The following PCDHA8 variants were observed in gnomAD, a reference collection of about 807,000 sequenced individuals.
PCDHA8 encodes the protein protocadherin alpha-8.
A neutral mutation model predicts 61.8 loss-of-function variants in PCDHA8; 53 were observed. The observed-to-expected ratio is 0.86, with a 90% CI of 0.69 to 1.08. PCDHA8 has a LOEUF of 1.08. PCDHA8 is among the 50% of genes least tolerant of loss of function. The pLI is 0.00. For synonymous variants in PCDHA8, 618 were observed against 556.6 expected (o/e 1.11, Z -1.55); for missense variants, 1,293 against 1,245.0 (o/e 1.04, Z -0.58).
chr5:140,877,764 G>A, intron 1 of PCDHA8: 2 of 1,614,160 alleles, frequency 1.2e-6, no homozygotes, highest in Non-Finnish European at 1.7e-6. Context: ...CAGAGAGCCC[G>A]CCCAAGACGG....
At chr5:140,884,049 T>C (rs1268930422) in intron 1 of PCDHA8, 2 of 1,613,296 alleles carry the variant, frequency 1.2e-6, no homozygotes, top group African/African-American at 1.3e-5. Flanking sequence ...GTGGCGAAGG[T>C]GCGCGCGGTG....
chr5:140,996,130 G>A (rs1185857732), intron 3 of PCDHA8, among the ~76,000 whole-genome samples: 2 of 152,162 alleles, frequency 1.3e-5, no homozygotes, highest in African/African-American at 4.8e-5. Flanking sequence ...GGTGTAGAGG[G>A]TTCTCCCATT....
chr5:140,913,981 G>A (rs1222294742), intron 1 of PCDHA8, among the ~76,000 whole-genome samples: 1 of 152,090 alleles, frequency 6.6e-6, no homozygotes, highest in Non-Finnish European at 1.5e-5. Flanking sequence ...TTTAGGACTT[G>A]TATTGTGACT....
chr5:140,988,204 AG>A (rs2097287084), intron 3 of PCDHA8, among the ~76,000 whole-genome samples: 1 of 152,100 alleles, frequency 6.6e-6, no homozygotes, highest in South Asian at 2.1e-4. Context: ...TATCCTTATT[AG>A]GAAAAAAAAA....
chr5:140,857,551 C>G (rs781926711), intron 1 of PCDHA8: 5 of 1,596,944 alleles, frequency 3.1e-6, no homozygotes. Flanking sequence ...TGGGCGAGCG[C>G]TCGCTGTCGA....
rs782055761 is a variant in PCDHA8 at position 140,842,470 on chromosome 5, G to A, written c.1149G>A (p.Gly383=). ...SVNDLDSGAN[G]QVTCSLMPHV... ...ACGACCTCGATTCAGGTGCCAACGG[G>A]CAGGTGACCTGCTCCCTGATGCCCC... Residue 383 remains glycine, a synonymous_variant, in exon 1 of 4, where the codon GGG becomes GGA. Transcript: ENST00000531613. 1.2e-6 allele frequency: 2 copies of A among 1,613,802 alleles called. No homozygotes were observed. The highest frequency in any genetic ancestry group is 1.1e-5 in the South Asian group (1 of 91,082).
In PCDHA8 at chr5:140,843,377, G is replaced by A. The variant is rs2150358675; in HGVS notation, c.2056G>A (p.Val686Ile). Reference sequence around the variant, plus strand: ...AGCGTCATCGAGGCAGTCGGCTGGCGTTTTGGGTCCGGAAGCGGCGCTGGT... The same window carrying A: ...AGCGTCATCGAGGCAGTCGGCTGGCATTTTGGGTCCGGAAGCGGCGCTGGT... ...PKASSRQSAG[V>I]LGPEAALVDV... Residue 686 changes from valine to isoleucine, a missense_variant, in exon 1 of 4, where the codon GTT becomes ATT. By Grantham distance (29) the Val-to-Ile change is conservative. Transcript: ENST00000531613. 17 of 1,596,146 alleles carry A rather than the reference G, an allele frequency of 1.1e-5. No individual in the cohort carries two copies. Among genetic ancestry groups the A allele is most frequent in the Middle Eastern group, 1.7e-4 (1 of 5,992 alleles).
In PCDHA8 at chr5:140,843,424, C is replaced by A. The variant is rs1266105482; in HGVS notation, c.2103C>A (p.Ile701=). 2 of 1,596,008 alleles carry A rather than the reference C, an allele frequency of 1.3e-6. No individual in the cohort carries two copies. The highest frequency in any genetic ancestry group is 1.7e-6 in the Non-Finnish European group (2 of 1,165,624). The part of the protein sequence containing the change: ...AALVDVNVYL[I]IAICAVSSLL... ...TGGTGGATGTCAACGTGTACCTGATCATCGCCATCTGCGCGGTATCCAGCC... is the reference window on the plus strand; with the variant it reads ...TGGTGGATGTCAACGTGTACCTGATAATCGCCATCTGCGCGGTATCCAGCC... The change falls in exon 1 of 4, where the codon ATC becomes ATA. Residue 701 remains isoleucine (I), a synonymous_variant. Coordinates refer to ENST00000531613, the MANE Select transcript of PCDHA8 (RefSeq NM_018911.3).
chr5:140,876,743 T>G, intron 1 of PCDHA8: 5 of 1,614,200 alleles, frequency 3.1e-6, no homozygotes, highest in Non-Finnish European at 4.2e-6. Flanking sequence ...TATGAGCTGG[T>G]GGTGACTGCG....
chr5:140,854,184 T>C, intron 1 of PCDHA8: 1 of 612,228 alleles, frequency 1.6e-6, no homozygotes, highest in Non-Finnish European at 2.0e-6. Context: ...AAAGAGTAGT[T>C]TAACTACTCC....
intron 3 of PCDHA8, among the ~76,000 whole-genome samples, chr5:141,005,485 T>C (rs57509018): frequency 5.3e-5 from 8 of 151,370 alleles, no homozygotes; most frequent in Non-Finnish European, 1.0e-4. Context: ...GGGCGGATCA[T>C]GAGGTCAGGA....
At chr5:140,998,696 C>G (rs1587806526) in intron 3 of PCDHA8, among the ~76,000 whole-genome samples, 1 of 152,182 alleles carries the variant, frequency 6.6e-6, no homozygotes, top group East Asian at 1.9e-4. Flanking sequence ...TCCCAAGTAG[C>G]TGGGATTACA....
chr5:140,967,736 G>A (rs1554229871), intron 1 of PCDHA8: 4 of 1,614,162 alleles, frequency 2.5e-6, no homozygotes, highest in Non-Finnish European at 3.4e-6. Context: ...TGGGGGGCTG[G>A]ATTATGAGGA....
At chr5:140,909,598 T>A (rs934160611) in intron 1 of PCDHA8, among the ~76,000 whole-genome samples, 1 of 152,198 alleles carries the variant, frequency 6.6e-6, no homozygotes, top group Non-Finnish European at 1.5e-5. Flanking sequence ...ATTTACTATT[T>A]TTCTAGGTAG....
At chr5:140,925,690 G>A (rs1029124411) in intron 1 of PCDHA8, among the ~76,000 whole-genome samples, 6 of 149,642 alleles carry the variant, frequency 4.0e-5, no homozygotes, top group African/African-American at 7.4e-5. Context: ...GCGAGGGTGG[G>A]TATCTAGCCT....
intron 3 of PCDHA8, among the ~76,000 whole-genome samples, chr5:141,002,289 G>A (rs1468757497): frequency 1.3e-5 from 2 of 152,204 alleles, no homozygotes; most frequent in East Asian, 3.8e-4. Flanking sequence ...GGATGAATGG[G>A]GAGCAAAGGG....
intron 1 of PCDHA8, chr5:140,859,934 A>G (rs2046100230): frequency 1.3e-5 from 2 of 152,070 alleles, no homozygotes; most frequent in Non-Finnish European, 2.9e-5. Flanking sequence ...TAAAAAACTT[A>G]GTAAAAACTC....
chr5:140,875,402 C>T, intron 1 of PCDHA8: 1 of 1,488,874 alleles, frequency 6.7e-7, no homozygotes, highest in Non-Finnish European at 8.9e-7. Flanking sequence ...AGGGTGACTG[C>T]TCATAAAATA....
At chr5:140,926,204 G>C (rs888951769) in intron 1 of PCDHA8, among the ~76,000 whole-genome samples, 1 of 151,802 alleles carries the variant, frequency 6.6e-6, no homozygotes, top group South Asian at 2.2e-4. Context: ...CTTTCGGGGG[G>C]CTCCTGTTTC....
Sources: gnomAD v4.1 joint callset for allele counts (sites outside exome capture counted in the v4.1 genomes callset) on GRCh38, gnomAD v4.1.1 for gene constraint, MANE v1.5 for transcripts, NCBI Gene and HGNC (gene_info 2026-07-23, HGNC 2026-07-21) for gene names.